The following ARMH3 variants were observed in gnomAD, a reference collection of about 807,000 sequenced individuals.
ARMH3 encodes armadillo-like helical domain-containing protein 3.
Under a neutral mutation model 99.1 loss-of-function variants are expected in ARMH3, and 60 were observed. That is an observed-to-expected ratio of 0.61 (90% CI 0.49 to 0.75). The LOEUF (loss-of-function observed/expected upper bound fraction) is 0.75. ARMH3 is among the 30% of genes least tolerant of loss of function. The probability of loss-of-function intolerance (pLI) is 0.00; values close to 1 mark genes in which losing one functional copy is unlikely to be tolerated. For synonymous variants in ARMH3, 285 were observed against 292.8 expected (o/e 0.97, Z 0.27); for missense variants, 679 against 843.1 (o/e 0.81, Z 2.41).
chr10:101,984,608 C>G (rs1590132272), intron 19 of ARMH3, among the ~76,000 whole-genome samples: 1 of 152,066 alleles, frequency 6.6e-6, no homozygotes, highest in Non-Finnish European at 1.5e-5. Context: ...CCTACATCCC[C>G]AACCCCTGCG....
intron 24 of ARMH3, among the ~76,000 whole-genome samples, chr10:101,882,496 C>T (rs1345397059): frequency 2.0e-5 from 3 of 152,146 alleles, no homozygotes; most frequent in African/African-American, 4.8e-5. Flanking sequence ...GTATGAGGTA[C>T]TTTACTTTCC....
intron 8 of ARMH3, 146 bp downstream of exon 8, chr10:102,023,331 T>C (rs1373184900): frequency 5.5e-6 from 4 of 725,372 alleles, no homozygotes; most frequent in Non-Finnish European, 8.9e-6. Context: ...GCATTTAATA[T>C]AGGATTTTTA....
intron 23 of ARMH3, among the ~76,000 whole-genome samples, chr10:101,926,399 C>A (rs1012895262): frequency 2.6e-5 from 4 of 152,014 alleles, no homozygotes; most frequent in African/African-American, 9.7e-5. Flanking sequence ...AACTAGTGAT[C>A]CTCTTGCCTC....
intron 19 of ARMH3, among the ~76,000 whole-genome samples, chr10:101,984,558 C>T (rs1047953908): frequency 1.3e-5 from 2 of 152,050 alleles, no homozygotes; most frequent in South Asian, 2.1e-4. Flanking sequence ...AACGCCATCC[C>T]ACCAACACTG....
intron 19 of ARMH3, among the ~76,000 whole-genome samples, chr10:101,988,142 T>C (rs979663881): frequency 6.6e-6 from 1 of 152,176 alleles, no homozygotes; most frequent in Non-Finnish European, 1.5e-5. Flanking sequence ...TACACAGCAG[T>C]AGATAACTAA....
intron 15 of ARMH3, among the ~76,000 whole-genome samples, chr10:102,001,700 T>C (rs1767242748): frequency 1.3e-5 from 2 of 152,214 alleles, no homozygotes; most frequent in South Asian, 4.1e-4. Flanking sequence ...CTTACCAAGA[T>C]CTGCTAAGAA....
At chr10:102,031,073 C>T (rs1195668095) in intron 4 of ARMH3, among the ~76,000 whole-genome samples, 1 of 152,190 alleles carries the variant, frequency 6.6e-6, no homozygotes, top group Non-Finnish European at 1.5e-5. Context: ...CGTGAGCCAC[C>T]ACGCCTGGCC....
At chr10:101,914,643 A>G (rs886481952) in intron 23 of ARMH3, among the ~76,000 whole-genome samples, 4 of 149,996 alleles carry the variant, frequency 2.7e-5, no homozygotes, top group Non-Finnish European at 4.5e-5. Context: ...AGGCAGGTGG[A>G]TCACCTTAGA....
chr10:101,916,496 T>C (rs1040656381), intron 23 of ARMH3, among the ~76,000 whole-genome samples: 1 of 152,190 alleles, frequency 6.6e-6, no homozygotes, highest in Non-Finnish European at 1.5e-5. Context: ...TTGCCACACA[T>C]AAAGTATGGA....
intron 13 of ARMH3, among the ~76,000 whole-genome samples, chr10:102,006,988 C>T (rs1478593582): frequency 6.6e-6 from 1 of 151,492 alleles, no homozygotes; most frequent in Non-Finnish European, 1.5e-5. Context: ...CGGTGAAACC[C>T]CGTCTCTACT....
intron 24 of ARMH3, among the ~76,000 whole-genome samples, chr10:101,866,298 T>G (rs1215131501): frequency 6.6e-6 from 1 of 151,684 alleles, no homozygotes; most frequent in Admixed American, 6.6e-5. Flanking sequence ...AGTGTAAAAC[T>G]TGAACAACTC....
rs565564127 is a variant in ARMH3, at chr10:102,035,922, C to T, written c.103-2583G>A. ...GCTGCCCAGTCTGGGAAGTGAGGAG[C>T]GCCTCTTCCCAGCGGCCATCCCGTC... is the stretch of plus-strand genomic sequence containing the variant. On this transcript the variant is annotated intron_variant, in intron 2 of 25. Coordinates refer to ENST00000370033, the MANE Select transcript of ARMH3 (RefSeq NM_024541.3). Among the ~76,000 whole-genome samples the T allele has an allele frequency of 1.0e-3, 154 of 150,984 alleles. 1 individual carries two copies. The highest frequency in any genetic ancestry group is 3.5e-3 in the African/African-American group (144 of 40,928).
intron 19 of ARMH3, among the ~76,000 whole-genome samples, chr10:101,981,450 C>T (rs1476037343): frequency 6.6e-6 from 1 of 151,784 alleles, no homozygotes; most frequent in African/African-American, 2.4e-5. Context: ...ATAGTGATAG[C>T]CCGTCTTAAA....
At chr10:102,039,973 TAAA>T in intron 2 of ARMH3, 37 bp downstream of exon 2, 1 of 1,553,952 alleles carries the variant, frequency 6.4e-7, no homozygotes, top group South Asian at 1.1e-5. Context: ...ACTAAGAAAC[TAAA>T]GACTCAAGCT....
rs554665407 is a variant in ARMH3, at chr10:102,025,198, A to G, written c.465T>C (p.Ser155=). The change falls in exon 6 of 26, where the codon AGT becomes AGC. Residue 155 remains serine, a synonymous_variant. Transcript: ENST00000370033. ...GAAGTTTCAGACATAAACTCTTCAG[A>G]CTTTCAGAACCTTCTGCACAAAGCA... The part of the protein sequence containing the change: ...DSLLCAEGSE[S]LKSLCLKLLL... The G allele has an allele frequency of 7.4e-6, 12 of 1,614,000 alleles. No individual in the cohort carries two copies. In the East Asian group the frequency reaches 2.7e-4, roughly 36 times the overall value.
chr10:101,847,967 C>G lies in ARMH3; in HGVS notation c.1978-347G>C, dbSNP rs186076096. Among the ~76,000 whole-genome samples, 304 of 152,316 alleles carry G rather than the reference C, an allele frequency of 2.0e-3. 5 individuals are homozygous for G. Among genetic ancestry groups the G allele is most frequent in the Middle Eastern group, 0.01 (3 of 294 alleles). On this transcript the variant is annotated intron_variant, in intron 25 of 25. Transcript: ENST00000370033. ...AAGGGGGACTGGGCTGCTCAGTGATCTGATGGAGGAGGAGAAACTGAGGCC... is the reference window on the plus strand; with the variant it reads ...AAGGGGGACTGGGCTGCTCAGTGATGTGATGGAGGAGGAGAAACTGAGGCC...
In ARMH3 at chr10:102,007,159, CAA is replaced by C. The variant is rs10639768; in HGVS notation, c.955-528_955-527del. ...CTGGTGACACAGCAAGACTCTATCT[CAA>C]AAAAAAAAAAAAAAAAAGAAAAAAA... On this transcript the variant is annotated intron_variant, in intron 13 of 25. Transcript: ENST00000370033. Among the ~76,000 whole-genome samples, 12 of 60,042 alleles carry C rather than the reference CAA, an allele frequency of 2.0e-4. 1 individual carries two copies. Among genetic ancestry groups the C allele is most frequent in the Admixed American group, 5.0e-4 (2 of 4,018 alleles). 39.4% of individuals were successfully genotyped at this position (60,042 alleles called of 152,430 possible).
rs1218069251 is a variant in ARMH3, at chr10:102,029,718, G to A, written c.334C>T (p.His112Tyr). 1.2e-6 allele frequency: 2 copies of A among 1,613,996 alleles called. No individual in the cohort carries two copies. The highest frequency in any genetic ancestry group is 4.5e-5 in the East Asian group (2 of 44,886). ...QTLCALIRGV[H>Y]QKNKSTSGFD... ...CCAGAGGTAGACTTATTCTTTTGAT[G>A]GACTCCTCGAATGAGTGCGCACAGG... Residue 112 changes from histidine to tyrosine, a missense_variant, in exon 5 of 26, where the codon CAT (histidine) becomes TAT (tyrosine). Physicochemically the swap from His to Tyr is moderately conservative, Grantham distance 83. Coordinates refer to ENST00000370033, the MANE Select transcript of ARMH3 (RefSeq NM_024541.3).
chr10:101,910,715 G>A (rs1200268619), intron 23 of ARMH3, among the ~76,000 whole-genome samples: 1 of 143,678 alleles, frequency 7.0e-6, no homozygotes, highest in African/African-American at 2.6e-5. Flanking sequence ...CTGCGTGACA[G>A]AGCAAGACTC....
Sources: gnomAD v4.1 joint callset for allele counts (sites outside exome capture counted in the v4.1 genomes callset) on GRCh38, gnomAD v4.1.1 for gene constraint, MANE v1.5 for transcripts, NCBI Gene and HGNC (gene_info 2026-07-23, HGNC 2026-07-21) for gene names.